The following WWC1 variants were observed in gnomAD, a reference collection of about 807,000 sequenced individuals.
WWC1 encodes WW and C2 domain containing 1.
A neutral mutation model predicts 138.4 loss-of-function variants in WWC1; 55 were observed. The ratio of observed to expected loss-of-function variants is 0.40; its 90% CI spans 0.32 to 0.50. The LOEUF (loss-of-function observed/expected upper bound fraction) is 0.50. WWC1 is among the 20% of genes least tolerant of loss of function. The pLI is 0.72. For synonymous variants in WWC1, 524 were observed against 564.9 expected, an observed-to-expected ratio of 0.93 and a Z score of 1.03; for missense variants, 1,226 against 1,420.4, an observed-to-expected ratio of 0.86 and a Z score of 2.20.
chr5:168,396,420 T>G (rs1428186047), intron 3 of WWC1, among the ~76,000 whole-genome samples: 1 of 152,034 alleles, frequency 6.6e-6, no homozygotes, highest in Admixed American at 6.6e-5. Flanking sequence ...AACCCAGATC[T>G]CAGCAGGTGA....
intron 12 of WWC1, 102 bp from the exon 13 acceptor site, chr5:168,428,605 G>C: frequency 8.2e-7 from 1 of 1,220,704 alleles, no homozygotes; most frequent in Non-Finnish European, 1.2e-6. Flanking sequence ...AAGGGAAGCT[G>C]AGCAAACCCC....
chr5:168,360,847 A>G (rs1324325373), intron 1 of WWC1, among the ~76,000 whole-genome samples: 1 of 152,190 alleles, frequency 6.6e-6, no homozygotes, highest in African/African-American at 2.4e-5. Context: ...GAGCTCAAGG[A>G]GCAGAAGATT....
At chr5:168,449,118 G>T (rs1263980603) in intron 17 of WWC1, among the ~76,000 whole-genome samples, 1 of 152,066 alleles carries the variant, frequency 6.6e-6, no homozygotes, top group Non-Finnish European at 1.5e-5. Context: ...GGATATGCCT[G>T]TTTCTGTACC....
Position 168,467,882 on chromosome 5 carries a change from A to C in WWC1, c.3193A>C (p.Lys1065Gln), listed in dbSNP as rs1339202807. 3 of 1,614,104 alleles carry C rather than the reference A, an allele frequency of 1.9e-6. No homozygotes were observed. The highest frequency in any genetic ancestry group is 2.5e-6 in the Non-Finnish European group (3 of 1,180,040). ...AEHKGELQTDKMMRAAAKDVH... is the reference protein window; with the variant it reads ...AEHKGELQTDQMMRAAAKDVH... ...GCACAAGGGTGAGCTTCAGACAGAC[A>C]AGATGATGAGGGCAGCTGCCAAGGA... is the stretch of plus-strand genomic sequence containing the variant. Residue 1065 changes from lysine to glutamine, a missense_variant, in exon 22 of 23, where the codon AAG becomes CAG. By Grantham distance (53) the Lys-to-Gln change is moderately conservative (BLOSUM62 1). Transcript: ENST00000265293.
At chr5:168,465,548 C>CTTTTTTTT (rs10527141) in intron 21 of WWC1, among the ~76,000 whole-genome samples, 4,797 of 46,938 alleles carry the variant, frequency 0.1, 2,237 homozygotes, top group Non-Finnish European at 0.12. Flanking sequence ...ATCAGCTGGG[C>CTTTTTTTT]TTTTTTTTTT....
intron 1 of WWC1, among the ~76,000 whole-genome samples, chr5:168,333,194 AG>A (rs1372546089): frequency 1.3e-5 from 2 of 152,340 alleles, no homozygotes; most frequent in Admixed American, 1.3e-4. Context: ...TGAAGCTCAC[AG>A]GGGTTTCAAA....
At chr5:168,396,682 C>G (rs924680012) in intron 3 of WWC1, among the ~76,000 whole-genome samples, 1 of 152,166 alleles carries the variant, frequency 6.6e-6, no homozygotes, top group African/African-American at 2.4e-5. Flanking sequence ...CAGTTTGTTT[C>G]CTTATCCTTA....
chr5:168,408,368 C>A, intron 6 of WWC1, 139 bp from the exon 7 acceptor site: 1 of 1,002,174 alleles, frequency 1.0e-6, no homozygotes, highest in Non-Finnish European at 1.5e-6. Context: ...AGCTCTCTAT[C>A]ACAGGATCAG....
chr5:168,369,639 G>A (rs1776583053), intron 1 of WWC1, among the ~76,000 whole-genome samples: 1 of 152,146 alleles, frequency 6.6e-6, no homozygotes, highest in South Asian at 2.1e-4. Flanking sequence ...GCCTTCCACA[G>A]TGCAGCAGTA....
intron 17 of WWC1, 133 bp from the exon 18 acceptor site, chr5:168,453,835 G>GC: frequency 6.8e-7 from 1 of 1,470,090 alleles, no homozygotes; most frequent in Non-Finnish European, 9.0e-7. Flanking sequence ...TGTGAGCCTG[G>GC]CCCCCCAAAA....
chr5:168,294,151 G>C (rs1265573757), intron 1 of WWC1, among the ~76,000 whole-genome samples: 1 of 152,114 alleles, frequency 6.6e-6, no homozygotes, highest in Non-Finnish European at 1.5e-5. Flanking sequence ...ACAGCAATAG[G>C]AGGCCCCTCT....
At chr5:168,298,145 T>C (rs1167161350) in intron 1 of WWC1, among the ~76,000 whole-genome samples, 7 of 152,114 alleles carry the variant, frequency 4.6e-5, no homozygotes, top group Non-Finnish European at 1.0e-4. Flanking sequence ...TTCAAGCAAT[T>C]CTCGTGCCTC....
intron 1 of WWC1, among the ~76,000 whole-genome samples, chr5:168,327,618 T>G (rs1485316737): frequency 1.3e-5 from 2 of 152,208 alleles, no homozygotes; most frequent in Non-Finnish European, 2.9e-5. Context: ...ACTAGGAAGC[T>G]GGAGGTAGCA....
In WWC1 at chr5:168,451,011, A is replaced by G. The variant is rs191648271; in HGVS notation, c.2526-2957A>G. Among the ~76,000 whole-genome samples the G allele has an allele frequency of 4.7e-4, 72 of 152,106 alleles. 1 individual carries two copies. Among genetic ancestry groups the G allele is most frequent in the African/African-American group, 1.5e-3 (63 of 41,494 alleles). On this transcript the variant is annotated intron_variant, in intron 17 of 22. Coordinates refer to ENST00000265293, the MANE Select transcript of WWC1 (RefSeq NM_015238.3). Reference sequence around the variant, plus strand: ...ATAAGACAACCCAATTTTTATTTTTATTTTATTTATTTATTTATTTTGAGA... The same window carrying G: ...ATAAGACAACCCAATTTTTATTTTTGTTTTATTTATTTATTTATTTTGAGA...
At chr5:168,444,862 T>TAAA (rs56691330) in intron 17 of WWC1, among the ~76,000 whole-genome samples, 28 of 144,814 alleles carry the variant, frequency 1.9e-4, no homozygotes, top group South Asian at 4.4e-4. Context: ...TTTATTTTGC[T>TAAA]AAAAAAAAAA....
Position 168,467,985 on chromosome 5 carries a change from G to GC in WWC1, c.3275+27dup, listed in dbSNP as rs991668894. Reference sequence around the variant, plus strand: ...TTCAGGTAAGCAGAGGGCCCCGGCAGCCCCCCATCCCTTTCTCAGCCAACC... The same window carrying GC: ...TTCAGGTAAGCAGAGGGCCCCGGCAGCCCCCCCATCCCTTTCTCAGCCAACC... On this transcript the variant is annotated intron_variant, in intron 22 of 22. Transcript: ENST00000265293. 8.7e-6 allele frequency: 14 copies of GC among 1,613,530 alleles called. No individual in the cohort carries two copies. The Admixed American group carries it at 1.2e-4, about 13-fold the overall frequency.
Position 168,431,333 on chromosome 5 carries a change from T to C in WWC1, c.2169T>C (p.Thr723=), listed in dbSNP as rs146369727. The change falls in exon 15 of 23, where the codon ACT becomes ACC. Residue 723 remains threonine (T), a synonymous_variant. Coordinates refer to ENST00000265293, the MANE Select transcript of WWC1 (RefSeq NM_015238.3). ...FRTRPLDASD[T]LVFNEVFWVS... ...CCCGGCCTCTGGACGCCTCAGACACTCTAGTGTTCAATGAGGTGTTCTGGG... is the reference window on the plus strand; with the variant it reads ...CCCGGCCTCTGGACGCCTCAGACACCCTAGTGTTCAATGAGGTGTTCTGGG... 6.9e-5 allele frequency: 112 copies of C among 1,614,062 alleles called. No individual in the cohort carries two copies. The highest frequency in any genetic ancestry group is 8.8e-5 in the Non-Finnish European group (104 of 1,180,016).
At chr5:168,468,091 T>C in intron 22 of WWC1, 127 bp downstream of exon 22, 1 of 1,467,434 alleles carries the variant, frequency 6.8e-7, no homozygotes, top group South Asian at 1.3e-5. Flanking sequence ...TAACAGATGT[T>C]CATCCTCCGC....
At chr5:168,337,123 C>T (rs569356183) in intron 1 of WWC1, among the ~76,000 whole-genome samples, 3 of 152,158 alleles carry the variant, frequency 2.0e-5, no homozygotes, top group South Asian at 2.1e-4. Context: ...ATACCAGCGG[C>T]CCAGCCATCT....
Sources: allele counts gnomAD v4.1 joint callset (sites outside exome capture counted in the v4.1 genomes callset), GRCh38; gene constraint gnomAD v4.1.1; transcripts MANE v1.5; gene names NCBI Gene and HGNC (gene_info 2026-07-23, HGNC 2026-07-21).